Variants in KCNH1 observed in about 807,000 individuals in gnomAD.
KCNH1 encodes the protein voltage-gated delayed rectifier potassium channel KCNH1.
A neutral mutation model predicts 69.2 loss-of-function variants in KCNH1; 27 were observed. The observed-to-expected ratio is 0.39, with a 90% confidence interval of 0.29 to 0.54. The LOEUF (loss-of-function observed/expected upper bound fraction) is 0.54. Ranked by LOEUF, KCNH1 falls within the 20% of genes least tolerant of loss-of-function variation. The pLI is 0.68. For missense variants in KCNH1, 798 were observed against 1,261.6 expected, an observed-to-expected ratio of 0.63 and a Z score of 5.57; for synonymous variants, 456 against 487.7, an observed-to-expected ratio of 0.93 and a Z score of 0.86.
At chr1:210,884,743 C>T (rs780115452) in intron 7 of KCNH1, among the ~76,000 whole-genome samples, 1 of 152,218 alleles carries the variant, frequency 6.6e-6, no homozygotes, top group Non-Finnish European at 1.5e-5. Context: ...GGAAGAGCTG[C>T]TAGATATCTC....
chr1:210,820,407 G>A (rs1407875355), intron 7 of KCNH1, among the ~76,000 whole-genome samples: 4 of 152,040 alleles, frequency 2.6e-5, no homozygotes, highest in Non-Finnish European at 4.4e-5. Context: ...AGGCTGAGGC[G>A]GGTGGATCAT....
intron 6 of KCNH1, among the ~76,000 whole-genome samples, chr1:210,990,405 C>G (rs1423479224): frequency 6.6e-6 from 1 of 152,216 alleles, no homozygotes; most frequent in African/African-American, 2.4e-5. Context: ...GTTACTTACT[C>G]ATGTTACCCA....
chr1:210,770,291 G>A (rs1397301413), intron 10 of KCNH1, among the ~76,000 whole-genome samples: 1 of 152,168 alleles, frequency 6.6e-6, no homozygotes, highest in Non-Finnish European at 1.5e-5. Context: ...GTTGATAGGT[G>A]CAGCAAACCA....
At chr1:210,997,220 C>A (rs554698946) in intron 6 of KCNH1, among the ~76,000 whole-genome samples, 2 of 152,162 alleles carry the variant, frequency 1.3e-5, no homozygotes, top group African/African-American at 4.8e-5. Context: ...CTCCGAGCTA[C>A]AGGAGGAAAT....
intron 7 of KCNH1, among the ~76,000 whole-genome samples, chr1:210,843,584 T>A (rs975435224): frequency 6.6e-6 from 1 of 152,168 alleles, no homozygotes; most frequent in African/African-American, 2.4e-5. Flanking sequence ...CTGCCCTAAG[T>A]GGACATTGAG....
intron 6 of KCNH1, among the ~76,000 whole-genome samples, chr1:210,963,708 T>C (rs2102359193): frequency 6.6e-6 from 1 of 152,034 alleles, no homozygotes; most frequent in Middle Eastern, 3.4e-3. Flanking sequence ...GAAGATCAAC[T>C]TAATGAAATA....
chr1:210,928,902 C>A (rs555984557), intron 6 of KCNH1, among the ~76,000 whole-genome samples: 12 of 152,168 alleles, frequency 7.9e-5, no homozygotes, highest in African/African-American at 2.9e-4. Flanking sequence ...ACAATGAAAA[C>A]CTTTATGTGC....
chr1:210,888,000 G>A (rs1176305980), intron 7 of KCNH1, among the ~76,000 whole-genome samples: 1 of 151,996 alleles, frequency 6.6e-6, no homozygotes, highest in African/African-American at 2.4e-5. Context: ...TTAGATCAAT[G>A]AGACAGAAGA....
At chr1:210,983,855 C>T (rs905566781) in intron 6 of KCNH1, among the ~76,000 whole-genome samples, 6 of 152,174 alleles carry the variant, frequency 3.9e-5, no homozygotes, top group African/African-American at 1.2e-4. Flanking sequence ...CTATAAATTA[C>T]TTTGGGCAGT....
At chr1:210,743,825 A>G (rs1683089866) in intron 10 of KCNH1, among the ~76,000 whole-genome samples, 1 of 152,164 alleles carries the variant, frequency 6.6e-6, no homozygotes. Context: ...CTGTCCCATA[A>G]TAACTCTGGG....
At chr1:210,730,753 G>C (rs547539399) in intron 10 of KCNH1, among the ~76,000 whole-genome samples, 1 of 152,294 alleles carries the variant, frequency 6.6e-6, no homozygotes, top group South Asian at 2.1e-4. Context: ...GCCCAGGCTA[G>C]AGCCAAGCAC....
chr1:210,761,177 G>C (rs557050896), intron 10 of KCNH1, among the ~76,000 whole-genome samples: 4 of 145,876 alleles, frequency 2.7e-5, no homozygotes, highest in African/African-American at 1.0e-4. Flanking sequence ...GCGTGAACCC[G>C]GGAGGCGGAG....
At chr1:210,875,111 T>C (rs1434076558) in intron 7 of KCNH1, among the ~76,000 whole-genome samples, 2 of 152,190 alleles carry the variant, frequency 1.3e-5, no homozygotes, top group African/African-American at 2.4e-5. Flanking sequence ...ATGAAACATA[T>C]GATTCTTCTC....
intron 5 of KCNH1, among the ~76,000 whole-genome samples, chr1:211,037,216 A>G (rs768459228): frequency 1.3e-5 from 2 of 152,180 alleles, no homozygotes; most frequent in African/African-American, 2.4e-5. Flanking sequence ...ACTCACCCTG[A>G]GTCATGCAAG....
intron 7 of KCNH1, among the ~76,000 whole-genome samples, chr1:210,867,067 C>G (rs139389389): frequency 6.6e-6 from 1 of 151,956 alleles, no homozygotes; most frequent in East Asian, 1.9e-4. Flanking sequence ...ACAGGTAAAT[C>G]TACATTTAGA....
In KCNH1 at chr1:210,679,430, A is replaced by G. The variant is rs1681212863; in HGVS notation, c.*3851T>C. ...ACCTATTAATCAAATGCACATCAGCAACGTGTATCTCCACCAGGGCTCCTA... is the reference window on the plus strand; with the variant it reads ...ACCTATTAATCAAATGCACATCAGCGACGTGTATCTCCACCAGGGCTCCTA... On this transcript the variant is annotated 3_prime_UTR_variant, in exon 11 of 11. Coordinates refer to ENST00000271751, the MANE Select transcript of KCNH1 (RefSeq NM_172362.3). 1.3e-5 allele frequency: 2 copies of G among 152,232 alleles called. No homozygotes were observed. The highest frequency in any genetic ancestry group is 1.3e-4 in the Admixed American group (2 of 15,286). 9.4% of individuals were successfully genotyped at this position (152,232 alleles called of 1,614,324 possible).
chr1:210,964,983 A>G (rs570574582), intron 6 of KCNH1, among the ~76,000 whole-genome samples: 1 of 152,286 alleles, frequency 6.6e-6, no homozygotes, highest in South Asian at 2.1e-4. Context: ...CACAAACAGA[A>G]CCAATGACAA....
chr1:210,899,700 G>T (rs1686954322), intron 7 of KCNH1, among the ~76,000 whole-genome samples: 1 of 152,134 alleles, frequency 6.6e-6, no homozygotes, highest in South Asian at 2.1e-4. Context: ...TCTACTAGGT[G>T]GTTTATATTT....
intron 6 of KCNH1, among the ~76,000 whole-genome samples, chr1:210,950,061 T>A (rs1688034489): frequency 6.6e-6 from 1 of 152,146 alleles, no homozygotes; most frequent in Admixed American, 6.5e-5. Context: ...AACAGATGTA[T>A]AAATAAGTCA....
Sources: gnomAD v4.1 joint callset for allele counts (sites outside exome capture counted in the v4.1 genomes callset) on GRCh38, gnomAD v4.1.1 for gene constraint, MANE v1.5 for transcripts, NCBI Gene and HGNC (gene_info 2026-07-23, HGNC 2026-07-21) for gene names.